The following CDH4 variants were observed in gnomAD, a reference collection of about 807,000 sequenced individuals.
CDH4 encodes cadherin 4, also known as cadherin-4.
CDH4 carries 33 observed loss-of-function variants against 86.0 expected under a neutral mutation model. The ratio of observed to expected loss-of-function variants is 0.38; its 90% CI spans 0.29 to 0.51. The LOEUF (loss-of-function observed/expected upper bound fraction) is 0.51. Among genes scored for constraint, CDH4 ranks in the 20% least tolerant of loss-of-function variants. The probability of loss-of-function intolerance (pLI) is 0.86; values close to 1 mark genes in which losing one functional copy is unlikely to be tolerated. For missense variants in CDH4, 1,114 were observed against 1,307.4 expected, an observed-to-expected ratio of 0.85 and a Z score of 2.28; for synonymous variants, 555 against 549.4, an observed-to-expected ratio of 1.01 and a Z score of -0.14.
Position 61,430,614 on chromosome 20 carries a change from G to A in CDH4, c.169+175677G>A, listed in dbSNP as rs373126437. On this transcript the variant is annotated intron_variant, in intron 2 of 15. Coordinates refer to ENST00000614565, the MANE Select transcript of CDH4 (RefSeq NM_001794.5). ...TTCTGAATCAACACTGCAATGGTGC[G>A]ATTAGAGGAGGTAAAGGAAGGAAAC... Among the ~76,000 whole-genome samples the A allele has an allele frequency of 4.6e-5, 7 of 152,268 alleles. No individual in the cohort carries two copies. In the South Asian group the frequency reaches 1.2e-3, roughly 27 times the overall value.
chr20:61,605,068 A>C (rs2207541), intron 2 of CDH4, among the ~76,000 whole-genome samples: 98,779 of 152,018 alleles, frequency 0.65, 33,007 homozygotes, highest in East Asian at 0.78. Flanking sequence ...CCTGTTTTCA[A>C]GTCTCCATCA....
chr20:61,297,889 G>A lies in CDH4; in HGVS notation c.169+42952G>A, dbSNP rs181199666. 1.2e-4 allele frequency among the ~76,000 whole-genome samples: 19 copies of A among 152,374 alleles called. 1 individual carries two copies. The highest frequency in any genetic ancestry group is 5.8e-4 in the East Asian group (3 of 5,178). ...TGAATATATTATGGCGCTGTGGAGC[G>A]AATGACAATCGGGCAGTGCTCGCCT... is the stretch of plus-strand genomic sequence containing the variant. On this transcript the variant is annotated intron_variant, in intron 2 of 15. Coordinates refer to ENST00000614565, the MANE Select transcript of CDH4 (RefSeq NM_001794.5).
intron 2 of CDH4, among the ~76,000 whole-genome samples, chr20:61,583,854 G>A (rs1211404180): frequency 6.6e-6 from 1 of 152,214 alleles, no homozygotes; most frequent in Non-Finnish European, 1.5e-5. Context: ...AGATGACAGA[G>A]TGACTTTTAA....
At chr20:61,570,945 A>G (rs982144176) in intron 2 of CDH4, among the ~76,000 whole-genome samples, 2 of 152,210 alleles carry the variant, frequency 1.3e-5, no homozygotes, top group Non-Finnish European at 2.9e-5. Context: ...GTGTGGGTGC[A>G]GGGCTGCAGG....
chr20:61,738,144 G>C (rs2088288036), intron 2 of CDH4: 1 of 152,372 alleles, frequency 6.6e-6, no homozygotes, highest in Admixed American at 6.5e-5. Context: ...TCCAGCACTG[G>C]CTTTGGGGTC....
intron 2 of CDH4, among the ~76,000 whole-genome samples, chr20:61,445,454 C>T (rs528056598): frequency 1.3e-5 from 2 of 152,328 alleles, no homozygotes; most frequent in South Asian, 2.1e-4. Context: ...CCCTCTGAGG[C>T]AGGCGGGGCA....
At chr20:61,773,700 C>A (rs2088806814) in intron 4 of CDH4, among the ~76,000 whole-genome samples, 1 of 152,194 alleles carries the variant, frequency 6.6e-6, no homozygotes, top group African/African-American at 2.4e-5. Flanking sequence ...TCAAGGCCAT[C>A]AACGAGCAAT....
intron 2 of CDH4, among the ~76,000 whole-genome samples, chr20:61,515,746 A>T (rs887092819): frequency 1.3e-5 from 2 of 152,202 alleles, no homozygotes; most frequent in Admixed American, 1.3e-4. Context: ...AAGGAAGGCT[A>T]TGATGCCCAG....
At chr20:61,400,052 T>G (rs1284323538) in intron 2 of CDH4, among the ~76,000 whole-genome samples, 1 of 152,204 alleles carries the variant, frequency 6.6e-6, no homozygotes, top group African/African-American at 2.4e-5. Context: ...CAGCACGTTT[T>G]GGGACAACTC....
At chr20:61,693,711 C>T (rs2145875899) in intron 2 of CDH4, among the ~76,000 whole-genome samples, 1 of 152,282 alleles carries the variant, frequency 6.6e-6, no homozygotes, top group Middle Eastern at 3.4e-3. Context: ...ACCTGGGCAT[C>T]CCCAGCACCT....
chr20:61,677,075 G>A (rs1348360897), intron 2 of CDH4, among the ~76,000 whole-genome samples: 4 of 152,202 alleles, frequency 2.6e-5, no homozygotes, highest in African/African-American at 9.6e-5. Context: ...CACCTGTCAT[G>A]AGGACCATAC....
intron 2 of CDH4, among the ~76,000 whole-genome samples, chr20:61,467,438 T>C (rs1343483331): frequency 6.6e-6 from 1 of 152,240 alleles, no homozygotes; most frequent in African/African-American, 2.4e-5. Context: ...GAAACATGTG[T>C]CTTGAGTATG....
chr20:61,921,660 G>A (rs889395689), intron 9 of CDH4, among the ~76,000 whole-genome samples: 1 of 151,640 alleles, frequency 6.6e-6, no homozygotes, highest in Admixed American at 6.6e-5. Context: ...GCTGAGGCAG[G>A]AGAATCACTT....
chr20:61,403,395 G>A (rs2085060949), intron 2 of CDH4, among the ~76,000 whole-genome samples: 1 of 152,118 alleles, frequency 6.6e-6, no homozygotes, highest in Non-Finnish European at 1.5e-5. Flanking sequence ...GCTGAGTTTG[G>A]GGGCAGCGGT....
chr20:61,488,400 G>C (rs1351419547), intron 2 of CDH4, among the ~76,000 whole-genome samples: 1 of 152,168 alleles, frequency 6.6e-6, no homozygotes, highest in Non-Finnish European at 1.5e-5. Flanking sequence ...AATGCTTGGA[G>C]TTCACACGGG....
intron 2 of CDH4, among the ~76,000 whole-genome samples, chr20:61,675,393 G>A (rs113389277): frequency 1.6e-4 from 5 of 31,278 alleles, no homozygotes; most frequent in African/African-American, 4.3e-4. Context: ...AAGCACTCCC[G>A]TGGAAACAAC....
intron 2 of CDH4, among the ~76,000 whole-genome samples, chr20:61,572,833 A>G (rs977051841): frequency 1.2e-4 from 18 of 149,560 alleles, no homozygotes; most frequent in Admixed American, 4.7e-4. Flanking sequence ...CTATGGATGG[A>G]TGGATGGATG....
chr20:61,254,634 G>C (rs955250211), intron 1 of CDH4, among the ~76,000 whole-genome samples, 192 bp from the exon 2 acceptor site: 2 of 152,328 alleles, frequency 1.3e-5, no homozygotes, highest in African/African-American at 4.8e-5. Flanking sequence ...CTGGTCTGTA[G>C]CCTGGAGAGT....
chr20:61,782,703 G>T (rs545256527), intron 4 of CDH4, among the ~76,000 whole-genome samples: 151 of 152,332 alleles, frequency 9.9e-4, no homozygotes, highest in African/African-American at 3.4e-3. Context: ...TGACGTTGCT[G>T]GTTAAGTGGT....
Sources: allele counts gnomAD v4.1 joint callset (sites outside exome capture counted in the v4.1 genomes callset), GRCh38; gene constraint gnomAD v4.1.1; transcripts MANE v1.5; gene names NCBI Gene and HGNC (gene_info 2026-07-23, HGNC 2026-07-21).